CHERP: variants seen among roughly 807,000 people sequenced by gnomAD.
The protein encoded by CHERP is calcium homeostasis endoplasmic reticulum protein, also known as ERPROT 213-21.
Under a neutral mutation model 113.8 loss-of-function variants are expected in CHERP, and 8 were observed. The observed-to-expected ratio is 0.07, with a 90% CI of 0.04 to 0.13. CHERP has a LOEUF of 0.13. CHERP is among the 10% of genes least tolerant of loss of function. The pLI is 1.00. For synonymous variants in CHERP, 559 were observed against 524.5 expected, an observed-to-expected ratio of 1.07 and a Z score of -0.90; for missense variants, 884 against 1,298.2, an observed-to-expected ratio of 0.68 and a Z score of 4.90.
Position 16,535,850 on chromosome 19 carries a change from G to A in CHERP, c.200-214C>T, listed in dbSNP as rs546955226. ...ATCCCAGCCTCAGCATTCCATCTTC[G>A]GGCCGTCCCCTCCTCGGAGAACCTA... is the stretch of plus-strand genomic sequence containing the variant. On this transcript the variant is annotated intron_variant, in intron 2 of 16. Coordinates refer to ENST00000546361, the MANE Select transcript of CHERP (RefSeq NM_006387.6). This position sits in a 1 kb window ranked among gnomAD's most constrained non-coding sequence, Gnocchi z 4.3. 8.5e-5 allele frequency among the ~76,000 whole-genome samples: 13 copies of A among 152,160 alleles called. No homozygotes were observed. The highest frequency in any genetic ancestry group is 7.8e-4 in the Admixed American group (12 of 15,300).
intron 8 of CHERP, among the ~76,000 whole-genome samples, chr19:16,528,479 C>A (rs2085671918): frequency 1.3e-5 from 2 of 152,218 alleles, no homozygotes; most frequent in South Asian, 4.1e-4. Flanking sequence ...CAAAGCTTTA[C>A]AAGAAACAGG....
chr19:16,534,948 T>C (rs935852952), intron 3 of CHERP, among the ~76,000 whole-genome samples: 4 of 151,978 alleles, frequency 2.6e-5, no homozygotes, highest in African/African-American at 9.7e-5. Context: ...TGGTGGTGCA[T>C]GCCTGTAATC....
chr19:16,525,460 C>A lies in CHERP; in HGVS notation c.1523G>T (p.Gly508Val), dbSNP rs1479859752. The stretch of plus-strand genomic sequence containing the variant: ...CATGCGGAAGGGTGGCTCGCGCTGG[C>A]CCCCGCCCCAGGGCGGCTGCTCGTG... Reference protein sequence around the residue: ...SQHEQPPWGGGQREPPFRMQR... With the variant: ...SQHEQPPWGGVQREPPFRMQR... The change falls in exon 10 of 17, where the codon GGC (glycine) becomes GTC (valine). Residue 508 changes from glycine (G) to valine (V), a missense_variant. Physicochemically the swap from Gly to Val is moderately radical, Grantham distance 109. Around this residue, in one of 8 missense-constraint regions of CHERP, gnomAD observed 464 missense variants for 590.1 expected, o/e 0.79. Transcript: ENST00000546361. This position sits in a 1 kb window ranked among gnomAD's most constrained non-coding sequence, Gnocchi z 6.5. 3 of 1,548,972 alleles carry A rather than the reference C, an allele frequency of 1.9e-6. No individual in the cohort carries two copies. Among genetic ancestry groups the A allele is most frequent in the African/African-American group, 2.7e-5 (2 of 73,012 alleles).
Position 16,533,083 on chromosome 19 carries a change from G to C in CHERP, c.450C>G (p.Thr150=). 6.3e-7 allele frequency: 1 copy of C among 1,581,856 alleles called. No individual in the cohort carries two copies. The highest frequency in any genetic ancestry group is 1.2e-5 in the South Asian group (1 of 86,632). ...TGTCAAACTCGTTCATGTCTAGCTG[G>C]GTCTCCTCCAGAAGCTTCTGCATCT... ...EQQMQKLLEE[T]QLDMNEFDNL... is the part of the protein sequence containing the mutation. The change falls in exon 4 of 17, where the codon ACC becomes ACG. Residue 150 remains threonine (T), a synonymous_variant. Coordinates refer to ENST00000546361, the MANE Select transcript of CHERP (RefSeq NM_006387.6).
chr19:16,533,560 C>T (rs1289549995), intron 3 of CHERP, among the ~76,000 whole-genome samples: 1 of 152,052 alleles, frequency 6.6e-6, no homozygotes, highest in African/African-American at 2.4e-5. Flanking sequence ...GAGCTCCAGA[C>T]CACCTGGGCA....
At position 16,530,748 on chromosome 19, in the gene CHERP, C is replaced by G. The variant is rs767725680; in HGVS notation, c.786+21G>C. The G allele has an allele frequency of 1.9e-6, 3 of 1,613,942 alleles. No individual in the cohort carries two copies. Among genetic ancestry groups the G allele is most frequent in the African/African-American group, 1.3e-5 (1 of 75,058 alleles). The stretch of plus-strand genomic sequence containing the variant: ...CTGTGTGTCCCGGTCTTGCCCAACC[C>G]CCGGCCCGGGGCCCACGCACCCGGG... On this transcript the variant is annotated intron_variant, in intron 6 of 16. Coordinates refer to ENST00000546361, the MANE Select transcript of CHERP (RefSeq NM_006387.6). This position sits in a 1 kb window ranked among gnomAD's most constrained non-coding sequence, Gnocchi z 4.1.
chr19:16,535,441 C>T lies in CHERP; in HGVS notation c.384+11G>A, dbSNP rs376629213. The T allele has an allele frequency of 3.5e-5, 56 of 1,604,696 alleles. No individual in the cohort carries two copies. The highest frequency in any genetic ancestry group is 3.7e-5 in the Non-Finnish European group (44 of 1,176,142). ...TGCTGGTGTCTGGCCGAGGAGGCGG[C>T]GGGCCCATACCTGTCTGAGCGCCAG... is the stretch of plus-strand genomic sequence containing the variant. On this transcript the variant is annotated intron_variant, in intron 3 of 16. Coordinates refer to ENST00000546361, the MANE Select transcript of CHERP (RefSeq NM_006387.6). This position sits in a 1 kb window ranked among gnomAD's most constrained non-coding sequence, Gnocchi z 4.3.
In CHERP at chr19:16,532,771, C is replaced by G. The variant is rs369439990; in HGVS notation, c.523-22G>C. On this transcript the variant is annotated intron_variant, in intron 4 of 16. Coordinates refer to ENST00000546361, the MANE Select transcript of CHERP (RefSeq NM_006387.6). This position sits in a 1 kb window ranked among gnomAD's most constrained non-coding sequence, Gnocchi z 4.4. The stretch of plus-strand genomic sequence containing the variant: ...CGGCCTGCAACAACCGAGCCAATGA[C>G]GAGTGAGCAGGGCCGCGGCTCCCCC... The G allele has an allele frequency of 2.6e-5, 41 of 1,596,734 alleles. No individual in the cohort carries two copies. The highest frequency in any genetic ancestry group is 3.5e-5 in the Non-Finnish European group (41 of 1,167,968).
In CHERP at chr19:16,530,558, G is replaced by A. The variant is rs1207831733; in HGVS notation, c.876+27C>T. On this transcript the variant is annotated intron_variant, in intron 7 of 16. Coordinates refer to ENST00000546361, the MANE Select transcript of CHERP (RefSeq NM_006387.6). This position sits in a 1 kb window ranked among gnomAD's most constrained non-coding sequence, Gnocchi z 4.1. ...GGGGAACCCGCCCCAGCTCTAGGGTGAGGTGTGGGTGGGCAGGGACACTCA... is the reference window on the plus strand; with the variant it reads ...GGGGAACCCGCCCCAGCTCTAGGGTAAGGTGTGGGTGGGCAGGGACACTCA... 1.2e-6 allele frequency: 2 copies of A among 1,604,042 alleles called. No individual in the cohort carries two copies. The highest frequency in any genetic ancestry group is 2.2e-5 in the South Asian group (2 of 90,866).
Position 16,521,272 on chromosome 19 carries a change from C to A in CHERP, c.2114+249G>T, listed in dbSNP as rs11880641. Reference sequence around the variant, plus strand: ...GGTGGGCTGAGGGCCCTGTGGCAGCCGGCTGCTTGAGACGTGCCGCCGTGC... The same window carrying A: ...GGTGGGCTGAGGGCCCTGTGGCAGCAGGCTGCTTGAGACGTGCCGCCGTGC... On this transcript the variant is annotated intron_variant, in intron 12 of 16. Coordinates refer to ENST00000546361, the MANE Select transcript of CHERP (RefSeq NM_006387.6). 5 of 566,980 alleles carry A rather than the reference C, an allele frequency of 8.8e-6. No homozygotes were observed. In the African/African-American group the frequency reaches 9.4e-5, roughly 11 times the overall value. The allele number at this position is 566,980 out of a possible 1,614,324, so 35.1% of individuals were successfully genotyped here.
In CHERP at chr19:16,519,953, T is replaced by A. The variant is rs1459270665; in HGVS notation, c.2462+196A>T. 1.5e-6 allele frequency: 1 copy of A among 678,300 alleles called. No individual in the cohort carries two copies. The highest frequency in any genetic ancestry group is 2.7e-5 in the East Asian group (1 of 37,170). 42.0% of individuals were successfully genotyped at this position (678,300 alleles called of 1,614,324 possible). On this transcript the variant is annotated intron_variant, in intron 15 of 16. Transcript: ENST00000546361. The surrounding 1 kb of genome is among the most constrained non-coding windows in gnomAD (Gnocchi z 6.0). ...AGGACACCTCCAACCCAGATGGTGG[T>A]TAGAAAGCAGACCCCAGTTACTGCC...
rs1372737928 is a variant in CHERP at position 16,519,440 on chromosome 19, A to G, written c.2558-88T>C. ...GGCTGAATGTCCAGACAGGCAGTGT[A>G]GACATGGGAAATGGGTAGAGAGAAC... is the stretch of plus-strand genomic sequence containing the variant. On this transcript the variant is annotated intron_variant, in intron 16 of 16. Coordinates refer to ENST00000546361, the MANE Select transcript of CHERP (RefSeq NM_006387.6). This position sits in a 1 kb window ranked among gnomAD's most constrained non-coding sequence, Gnocchi z 6.0. 2 of 1,421,516 alleles carry G rather than the reference A, an allele frequency of 1.4e-6. No homozygotes were observed. Among genetic ancestry groups the G allele is most frequent in the East Asian group, 2.3e-5 (1 of 43,660 alleles). The allele number at this position is 1,421,516 out of a possible 1,614,324, so 88.1% of individuals were successfully genotyped here.
rs780562940 is a variant in CHERP, at chr19:16,523,195, C to T, written c.1837G>A (p.Gly613Ser). Residue 613 changes from glycine to serine, a missense_variant, in exon 11 of 17, where the codon GGC (glycine) becomes AGC (serine). By Grantham distance (56) the Gly-to-Ser change is moderately conservative. Transcript: ENST00000546361. The surrounding 1 kb of genome is among the most constrained non-coding windows in gnomAD (Gnocchi z 4.0). The stretch of plus-strand genomic sequence containing the variant: ...CCGTTGAAGCCATGGGGGGGAGGGC[C>T]GAAGTCAGGGTGCTGGGGTCCAGCC... ...PWAGPQHPDFGPPPHGFNGQP... is the reference protein window; with the variant it reads ...PWAGPQHPDFSPPPHGFNGQP... 4 of 1,577,078 alleles carry T rather than the reference C, an allele frequency of 2.5e-6. No individual in the cohort carries two copies. Among genetic ancestry groups the T allele is most frequent in the Non-Finnish European group, 3.4e-6 (4 of 1,164,926 alleles).
chr19:16,531,575 G>T lies in CHERP; in HGVS notation c.675-695C>A, dbSNP rs924269348. ...CTCAGCTTGCCGCAGGGGGCTCAGG[G>T]GAGCAAGGGCCTGGGCTGGGCGAGC... is the stretch of plus-strand genomic sequence containing the variant. On this transcript the variant is annotated intron_variant, in intron 5 of 16. Coordinates refer to ENST00000546361, the MANE Select transcript of CHERP (RefSeq NM_006387.6). Among the ~76,000 whole-genome samples, 3 of 152,356 alleles carry T rather than the reference G, an allele frequency of 2.0e-5. No homozygotes were observed. In the South Asian group the frequency reaches 6.2e-4, roughly 32 times the overall value.
Position 16,520,761 on chromosome 19 carries a change from T to G in CHERP, c.2201+65A>C, listed in dbSNP as rs540435876. On this transcript the variant is annotated intron_variant, in intron 13 of 16. Coordinates refer to ENST00000546361, the MANE Select transcript of CHERP (RefSeq NM_006387.6). This position sits in a 1 kb window ranked among gnomAD's most constrained non-coding sequence, Gnocchi z 4.0. ...GGACGTGATGAGTGTATCTGGGGTC[T>G]GCTCCCACCCATCACAAGCTGTGGA... The G allele has an allele frequency of 4.1e-4, 607 of 1,477,772 alleles. 2 individuals are homozygous for G. The highest frequency in any genetic ancestry group is 5.8e-5 in the Non-Finnish European group (61 of 1,060,234). The allele number at this position is 1,477,772 out of a possible 1,614,324, so 91.5% of individuals were successfully genotyped here. A position where few individuals can be genotyped will look rare whatever the true frequency, so the allele number is the denominator to read the frequency against.
chr19:16,541,598 A>T, intron 2 of CHERP: 1 of 400,356 alleles, frequency 2.5e-6, no homozygotes. Flanking sequence ...TACTCCTGCT[A>T]ATCTCCGTCA....
At position 16,528,070 on chromosome 19, in the gene CHERP, C is replaced by T; in HGVS notation, c.1305+10G>A. The T allele has an allele frequency of 6.2e-7, 1 of 1,612,270 alleles. No individual in the cohort carries two copies. Among genetic ancestry groups the T allele is most frequent in the Non-Finnish European group, 8.5e-7 (1 of 1,179,740 alleles). ...CCCCATCTGCTCCCACCCCAGGTTCCAATCAATACCTGCTGCTGGCCCCAA... is the reference window on the plus strand; with the variant it reads ...CCCCATCTGCTCCCACCCCAGGTTCTAATCAATACCTGCTGCTGGCCCCAA... On this transcript the variant is annotated intron_variant, in intron 9 of 16. Coordinates refer to ENST00000546361, the MANE Select transcript of CHERP (RefSeq NM_006387.6).
chr19:16,525,384 C>T lies in CHERP; in HGVS notation c.1599G>A (p.Pro533=). The T allele has an allele frequency of 2.7e-6, 4 of 1,499,412 alleles. No homozygotes were observed. The highest frequency in any genetic ancestry group is 2.7e-5 in the South Asian group (2 of 73,452). 92.9% of individuals were successfully genotyped at this position (1,499,412 alleles called of 1,614,324 possible). ...GGGGGTGCGGAGGCTGGTTGAACTG[C>T]GGGTGCTGCTGGTGGGGCGGGAAGG... ...RGPFPPHQQH[P]QFNQPPHPHN... is the part of the protein sequence containing the mutation. Residue 533 remains proline (P), a synonymous_variant, in exon 10 of 17, where the codon CCG becomes CCA. Transcript: ENST00000546361. The surrounding 1 kb of genome is among the most constrained non-coding windows in gnomAD (Gnocchi z 6.5).
At chr19:16,531,174 T>C (rs1378316296) in intron 5 of CHERP, among the ~76,000 whole-genome samples, 1 of 152,066 alleles carries the variant, frequency 6.6e-6, no homozygotes, top group East Asian at 1.9e-4. Context: ...CCTTCCCTCT[T>C]GGGTGGCGCT....
Sources: allele counts gnomAD v4.1 joint callset (sites outside exome capture counted in the v4.1 genomes callset), GRCh38; gene constraint gnomAD v4.1.1; regional missense constraint gnomAD v4.1.1; non-coding constraint Gnocchi (gnomAD v3.1); transcripts MANE v1.5; gene names NCBI Gene and HGNC (gene_info 2026-07-23, HGNC 2026-07-21).